The following NCKAP5 variants were observed in gnomAD, a reference collection of about 807,000 sequenced individuals.
NCKAP5 encodes the protein nck-associated protein 5.
In NCKAP5, 92 loss-of-function variants were observed where a neutral mutation model predicts 167.0. The ratio of observed to expected loss-of-function variants is 0.55; its 90% confidence interval spans 0.47 to 0.66. The LOEUF is 0.66. Among genes scored for constraint, NCKAP5 ranks in the 30% least tolerant of loss-of-function variants. NCKAP5 has a pLI of 0.00. For missense variants in NCKAP5, 2,378 were observed against 2,315.0 expected (o/e 1.03, Z -0.56); for synonymous variants, 891 against 877.4 (o/e 1.02, Z -0.27).
At chr2:133,156,630 T>C (rs1016930112) in intron 5 of NCKAP5, among the ~76,000 whole-genome samples, 2 of 152,154 alleles carry the variant, frequency 1.3e-5, no homozygotes, top group African/African-American at 2.4e-5. Flanking sequence ...TCCACGACAA[T>C]GCTTGTATCT....
chr2:133,554,969 A>C (rs1466415032), intron 2 of NCKAP5, among the ~76,000 whole-genome samples: 1 of 152,118 alleles, frequency 6.6e-6, no homozygotes. Flanking sequence ...CCCTTTCTGC[A>C]ACCTTGGAAG....
chr2:133,552,704 C>G (rs1463184461), intron 2 of NCKAP5, among the ~76,000 whole-genome samples: 2 of 145,834 alleles, frequency 1.4e-5, no homozygotes, highest in African/African-American at 2.6e-5. Flanking sequence ...ATGTAACTAA[C>G]CTGCACAATG....
intron 5 of NCKAP5, among the ~76,000 whole-genome samples, chr2:133,189,826 G>A (rs914156568): frequency 4.6e-5 from 7 of 152,134 alleles, no homozygotes; most frequent in Non-Finnish European, 8.8e-5. Context: ...CATCCTGAAT[G>A]GGCAAAAACT....
intron 3 of NCKAP5, among the ~76,000 whole-genome samples, chr2:133,466,766 G>A (rs1485728141): frequency 6.6e-6 from 1 of 151,898 alleles, no homozygotes; most frequent in African/African-American, 2.4e-5. Flanking sequence ...TATTCTCTTT[G>A]AAGCAATTGT....
chr2:132,733,143 C>G (rs544891247), intron 16 of NCKAP5, among the ~76,000 whole-genome samples: 1 of 152,160 alleles, frequency 6.6e-6, no homozygotes, highest in Non-Finnish European at 1.5e-5. Flanking sequence ...AAAATTACCA[C>G]GTCATTTCTG....
chr2:133,464,409 G>A (rs1203607209), intron 3 of NCKAP5, among the ~76,000 whole-genome samples: 5 of 145,746 alleles, frequency 3.4e-5, no homozygotes, highest in African/African-American at 1.3e-4. Flanking sequence ...AAAATAAATG[G>A]GCTGGGAGTG....
chr2:133,347,797 C>T (rs1330872574), intron 3 of NCKAP5, among the ~76,000 whole-genome samples: 1 of 152,152 alleles, frequency 6.6e-6, no homozygotes, highest in Non-Finnish European at 1.5e-5. Context: ...AAATTGCTTT[C>T]TGACCTACAA....
intron 2 of NCKAP5, among the ~76,000 whole-genome samples, chr2:133,544,043 G>A (rs1558769877): frequency 6.6e-6 from 1 of 152,164 alleles, no homozygotes; most frequent in Non-Finnish European, 1.5e-5. Context: ...AATAACTTAT[G>A]CTGCTTCATG....
intron 6 of NCKAP5, among the ~76,000 whole-genome samples, chr2:133,004,337 C>A (rs977014534): frequency 6.6e-6 from 1 of 152,080 alleles, no homozygotes; most frequent in Non-Finnish European, 1.5e-5. Context: ...TCAGGGGAAC[C>A]AGCCTGCAAT....
chr2:133,346,699 G>T lies in NCKAP5; in HGVS notation c.70-43589C>A, dbSNP rs142732081. Among the ~76,000 whole-genome samples, 783 of 152,286 alleles carry T rather than the reference G, an allele frequency of 5.1e-3. 8 individuals carry two copies. Among genetic ancestry groups the T allele is most frequent in the African/African-American group, 0.018 (730 of 41,558 alleles). Reference sequence around the variant, plus strand: ...CATCGGACTGGGCCATGGCCCTCACGAAATACAAGGATGAGAACTTGTGAA... The same window carrying T: ...CATCGGACTGGGCCATGGCCCTCACTAAATACAAGGATGAGAACTTGTGAA... On this transcript the variant is annotated intron_variant, in intron 3 of 19. Transcript: ENST00000409261.
intron 16 of NCKAP5, among the ~76,000 whole-genome samples, chr2:132,762,619 C>T (rs16840842): frequency 6.6e-6 from 1 of 152,164 alleles, no homozygotes; most frequent in African/African-American, 2.4e-5. Context: ...TTCACGCCAC[C>T]TCGTAGGGCT....
At chr2:133,075,799 C>T (rs563571919) in intron 6 of NCKAP5, among the ~76,000 whole-genome samples, 1 of 151,854 alleles carries the variant, frequency 6.6e-6, no homozygotes, top group Non-Finnish European at 1.5e-5. Flanking sequence ...GAGAACAAAA[C>T]AGAAAGCAAA....
chr2:133,466,550 G>C (rs1362997208), intron 3 of NCKAP5, among the ~76,000 whole-genome samples: 4 of 151,936 alleles, frequency 2.6e-5, no homozygotes, highest in East Asian at 1.9e-4. Context: ...TGTGAAGAAA[G>C]GCATTGGTAG....
chr2:133,658,622 G>A, the NCKAP5 span, among the ~76,000 whole-genome samples: 766 of 152,176 alleles, frequency 5.0e-3, 8 homozygotes, highest in African/African-American at 0.017. Flanking sequence ...TTTCCGTATC[G>A]GGACCTACGG....
chr2:133,603,041 G>A, the NCKAP5 span, among the ~76,000 whole-genome samples: 2 of 152,244 alleles, frequency 1.3e-5, no homozygotes, highest in East Asian at 3.9e-4. Context: ...ACAAGGATGA[G>A]AGAGAGTGAA....
At chr2:133,277,976 A>G (rs932176978) in intron 4 of NCKAP5, among the ~76,000 whole-genome samples, 1 of 152,164 alleles carries the variant, frequency 6.6e-6, no homozygotes, top group African/African-American at 2.4e-5. Flanking sequence ...AACCATACAC[A>G]AGAATAAATA....
chr2:133,493,224 A>T (rs963097418), intron 3 of NCKAP5, among the ~76,000 whole-genome samples: 4 of 152,176 alleles, frequency 2.6e-5, no homozygotes, highest in Non-Finnish European at 5.9e-5. Context: ...TTGCTGTTAC[A>T]CTTCAGTGTG....
intron 5 of NCKAP5, among the ~76,000 whole-genome samples, chr2:133,183,440 GA>G (rs1212351351): frequency 6.6e-6 from 1 of 151,916 alleles, no homozygotes; most frequent in African/African-American, 2.4e-5. Context: ...CATGAGAATG[GA>G]AAAAAATATC....
chr2:133,368,298 A>G lies in NCKAP5; in HGVS notation c.70-65188T>C, dbSNP rs142733920. ...TTCTATTAGATAGATCCCTTACCCA[A>G]GTGTGCACATGAATTTTAAAAAGAT... is the stretch of plus-strand genomic sequence containing the variant. On this transcript the variant is annotated intron_variant, in intron 3 of 19. Coordinates refer to ENST00000409261, the MANE Select transcript of NCKAP5 (RefSeq NM_207363.3). Among the ~76,000 whole-genome samples the G allele has an allele frequency of 2.6e-3, 399 of 152,368 alleles. 3 individuals are homozygous for G. Among genetic ancestry groups the G allele is most frequent in the Middle Eastern group, 0.01 (3 of 294 alleles).
Sources: allele counts gnomAD v4.1 joint callset (sites outside exome capture counted in the v4.1 genomes callset), GRCh38; gene constraint gnomAD v4.1.1; transcripts MANE v1.5; gene names NCBI Gene and HGNC (gene_info 2026-07-23, HGNC 2026-07-21).